Variants in RNF141 observed in about 807,000 individuals in gnomAD.
The protein encoded by RNF141 is ring finger protein 141.
RNF141 carries 18 observed loss-of-function variants against 27.4 expected under a neutral mutation model. The observed-to-expected ratio is 0.66, with a 90% CI of 0.45 to 0.97. RNF141 has a LOEUF of 0.97. Ranked by LOEUF, RNF141 falls within the 50% of genes least tolerant of loss-of-function variation. RNF141 has a pLI of 0.00. For synonymous variants in RNF141, 97 were observed against 96.6 expected (o/e 1.00, Z -0.02); for missense variants, 230 against 279.4 (o/e 0.82, Z 1.26).
intron 1 of RNF141, among the ~76,000 whole-genome samples, chr11:10,539,442 A>G (rs897389425): frequency 6.6e-6 from 1 of 151,852 alleles, no homozygotes; most frequent in Admixed American, 6.6e-5. Flanking sequence ...ATAAACATCA[A>G]TGATTTTCAC....
intron 5 of RNF141, 184 bp from the exon 6 acceptor site, chr11:10,515,250 G>T: frequency 1.6e-6 from 1 of 641,302 alleles, no homozygotes; most frequent in Non-Finnish European, 2.6e-6. Flanking sequence ...ACAGTTACCA[G>T]TTTCTTATAT....
At position 10,513,158 on chromosome 11, in the gene RNF141, A is replaced by G. The variant is rs1005010032; in HGVS notation, c.*1758T>C. On this transcript the variant is annotated 3_prime_UTR_variant, in exon 6 of 6. Coordinates refer to ENST00000265981, the MANE Select transcript of RNF141 (RefSeq NM_016422.4). ...TGGTACTCTGCTTGCATAAACCTCCATAGGGAGTAGTTAGCTATTTGGTAC... is the reference window on the plus strand; with the variant it reads ...TGGTACTCTGCTTGCATAAACCTCCGTAGGGAGTAGTTAGCTATTTGGTAC... 1 of 152,218 alleles carries G rather than the reference A, an allele frequency of 6.6e-6. No homozygotes were observed. The highest frequency in any genetic ancestry group is 2.4e-5 in the African/African-American group (1 of 41,450). The allele number at this position is 152,218 out of a possible 1,614,324, so 9.4% of individuals were successfully genotyped here. A position where few individuals can be genotyped will look rare whatever the true frequency, so the allele number is the denominator to read the frequency against.
At chr11:10,536,711 G>A (rs1850040224) in intron 1 of RNF141, among the ~76,000 whole-genome samples, 1 of 152,042 alleles carries the variant, frequency 6.6e-6, no homozygotes, top group African/African-American at 2.4e-5. Flanking sequence ...CAATCCTCCC[G>A]CCTCGGCCTC....
chr11:10,518,246 T>C (rs1474790700), intron 5 of RNF141: 1 of 152,126 alleles, frequency 6.6e-6, no homozygotes, highest in Non-Finnish European at 1.5e-5. Flanking sequence ...TGTCTAGGTA[T>C]TCACCCAAGA....
Position 10,534,041 on chromosome 11 carries a change from C to T in RNF141, c.118G>A (p.Gly40Arg), listed in dbSNP as rs1850012625. The change falls in exon 2 of 6, where the codon GGG becomes AGG. Residue 40 changes from glycine (G) to arginine (R), a missense_variant. Coordinates refer to ENST00000265981, the MANE Select transcript of RNF141 (RefSeq NM_016422.4). The part of the protein sequence containing the change: ...SGSLTYEEFL[G>R]RVAELNDVTA... ...ACATCATTAAGCTCAGCTACTCTCC[C>T]AAGAAATTCTTCATAAGTTAAGGAG... is the stretch of plus-strand genomic sequence containing the variant. The T allele has an allele frequency of 3.7e-6, 6 of 1,613,340 alleles. No homozygotes were observed. Among genetic ancestry groups the T allele is most frequent in the South Asian group, 1.1e-5 (1 of 90,998 alleles).
At chr11:10,531,924 A>G (rs1849989612) in intron 2 of RNF141, 1 of 407,412 alleles carries the variant, frequency 2.5e-6, no homozygotes, top group Non-Finnish European at 4.8e-6. Flanking sequence ...GTTTAATTCT[A>G]CAGTTCTCGG....
At chr11:10,531,353 C>T (rs914445980) in intron 2 of RNF141, among the ~76,000 whole-genome samples, 7 of 136,126 alleles carry the variant, frequency 5.1e-5, no homozygotes, top group East Asian at 2.1e-4. Flanking sequence ...CCAGCCTGGG[C>T]GACAGAGTGA....
At chr11:10,515,481 G>A (rs1837312628) in intron 5 of RNF141, 1 of 153,704 alleles carries the variant, frequency 6.5e-6, no homozygotes, top group African/African-American at 2.4e-5. Flanking sequence ...CCCATCTTTT[G>A]TTGCTACCAA....
rs992433048 is a variant in RNF141, at chr11:10,513,842, A to T, written c.*1074T>A. 1 of 152,030 alleles carries T rather than the reference A, an allele frequency of 6.6e-6. No homozygotes were observed. Among genetic ancestry groups the T allele is most frequent in the Non-Finnish European group, 1.5e-5 (1 of 68,022 alleles). 9.4% of individuals were successfully genotyped at this position (152,030 alleles called of 1,614,324 possible). A position where few individuals can be genotyped will look rare whatever the true frequency, so the allele number is the denominator to read the frequency against. On this transcript the variant is annotated 3_prime_UTR_variant, in exon 6 of 6. Transcript: ENST00000265981. ...CAGGCACCTGCCACCATGCCCAGCT[A>T]ATTTTTGTATTTTAGTAGAGAGAGG...
intron 5 of RNF141, chr11:10,518,409 A>G (rs1440201809): frequency 6.6e-6 from 1 of 152,216 alleles, no homozygotes; most frequent in African/African-American, 2.4e-5. Flanking sequence ...CTCAGCAATA[A>G]AAAGGCATGA....
At chr11:10,526,429 TA>T (rs567489229) in intron 3 of RNF141, among the ~76,000 whole-genome samples, 104 of 152,282 alleles carry the variant, frequency 6.8e-4, no homozygotes, top group Non-Finnish European at 1.3e-3. Flanking sequence ...ATAATAGTTG[TA>T]ACACGTTTAT....
chr11:10,524,172 TGGGAGGCCG>T (rs1226051306), intron 4 of RNF141, among the ~76,000 whole-genome samples: 1 of 152,144 alleles, frequency 6.6e-6, no homozygotes, highest in Non-Finnish European at 1.5e-5. Flanking sequence ...CCCAGCACTC[TGGGAGGCCG>T]AGGAGGGCAG....
At chr11:10,523,098 G>A (rs1374610811) in intron 4 of RNF141, among the ~76,000 whole-genome samples, 1 of 152,236 alleles carries the variant, frequency 6.6e-6, no homozygotes. Context: ...AACTGCAGGT[G>A]TTACTTGTAC....
chr11:10,528,593 G>A (rs1849959811), intron 3 of RNF141, among the ~76,000 whole-genome samples: 1 of 152,172 alleles, frequency 6.6e-6, no homozygotes, highest in Admixed American at 6.5e-5. Context: ...TATTCCCTTA[G>A]CTTTCTACAA....
In RNF141 at chr11:10,512,835, C is replaced by T. The variant is rs1469704223; in HGVS notation, c.*2081G>A. 5 of 152,104 alleles carry T rather than the reference C, an allele frequency of 3.3e-5. No individual in the cohort carries two copies. The East Asian group carries it at 9.7e-4, about 29-fold the overall frequency. 9.4% of individuals were successfully genotyped at this position (152,104 alleles called of 1,614,324 possible). A position where few individuals can be genotyped will look rare whatever the true frequency, so the allele number is the denominator to read the frequency against. On this transcript the variant is annotated 3_prime_UTR_variant, in exon 6 of 6. Coordinates refer to ENST00000265981, the MANE Select transcript of RNF141 (RefSeq NM_016422.4). ...CAAATTCAAACATGCTGGATATCAC[C>T]AATGCATTAATGTTTTTATTCATTG...
At chr11:10,525,873 T>G (rs1849931931) in intron 3 of RNF141, among the ~76,000 whole-genome samples, 1 of 152,178 alleles carries the variant, frequency 6.6e-6, no homozygotes, top group African/African-American at 2.4e-5. Context: ...CAAAAGGTGG[T>G]TGGACTTTTC....
rs751521793 is a variant in RNF141, at chr11:10,525,350, C to T, written c.276G>A (p.Val92=). The change falls in exon 4 of 6, where the codon GTG becomes GTA. Residue 92 remains valine (V), a synonymous_variant. Coordinates refer to ENST00000265981, the MANE Select transcript of RNF141 (RefSeq NM_016422.4). Reference sequence around the variant, plus strand: ...ATAAATTCATGATCCGTGATGCCTCCACAATGCCACTGCTTTTGTTAATCT... The same window carrying T: ...ATAAATTCATGATCCGTGATGCCTCTACAATGCCACTGCTTTTGTTAATCT... ...CTKINKSSGI[V]EASRIMNLYQ... is the part of the protein sequence containing the mutation. 6.3e-7 allele frequency: 1 copy of T among 1,585,542 alleles called. No individual in the cohort carries two copies. The highest frequency in any genetic ancestry group is 1.2e-5 in the South Asian group (1 of 85,022).
intron 1 of RNF141, among the ~76,000 whole-genome samples, chr11:10,534,720 C>T (rs1203524562): frequency 6.6e-6 from 1 of 152,116 alleles, no homozygotes; most frequent in East Asian, 1.9e-4. Context: ...TAAAGTTACA[C>T]AGCTGTAAGT....
chr11:10,527,654 G>T (rs1271401162), intron 3 of RNF141, among the ~76,000 whole-genome samples: 1 of 144,164 alleles, frequency 6.9e-6, no homozygotes, highest in East Asian at 2.1e-4. Flanking sequence ...ACGGGGGGGG[G>T]TTTTGAGCCA....
Sources: gnomAD v4.1 joint callset for allele counts (sites outside exome capture counted in the v4.1 genomes callset) on GRCh38, gnomAD v4.1.1 for gene constraint, MANE v1.5 for transcripts, NCBI Gene and HGNC (gene_info 2026-07-23, HGNC 2026-07-21) for gene names.